Variants in PTPRD observed in about 807,000 individuals in gnomAD.
PTPRD encodes protein tyrosine phosphatase receptor type D.
A neutral mutation model predicts 214.5 loss-of-function variants in PTPRD; 34 were observed. That is an observed-to-expected ratio of 0.16 (90% CI 0.12 to 0.21). The LOEUF is 0.21. PTPRD is among the 10% of genes least tolerant of loss of function. The pLI is 1.00. For synonymous variants in PTPRD, 1,128 were observed against 845.7 expected, an observed-to-expected ratio of 1.33 and a Z score of -5.79; for missense variants, 2,545 against 2,398.7, an observed-to-expected ratio of 1.06 and a Z score of -1.27.
At chr9:9,121,342 G>T (rs1445773364) in intron 10 of PTPRD, among the ~76,000 whole-genome samples, 3 of 152,146 alleles carry the variant, frequency 2.0e-5, no homozygotes, top group Admixed American at 6.6e-5. Context: ...CAGAGGAAAA[G>T]AAGTTATTAT....
chr9:9,360,953 C>A (rs879451592), intron 9 of PTPRD, among the ~76,000 whole-genome samples: 1 of 150,946 alleles, frequency 6.6e-6, no homozygotes, highest in African/African-American at 2.4e-5. Flanking sequence ...TCTACTAAAA[C>A]GATGTAAAAA....
At chr9:10,099,179 G>C (rs112717058) in intron 3 of PTPRD, among the ~76,000 whole-genome samples, 198 of 151,830 alleles carry the variant, frequency 1.3e-3, no homozygotes, top group Middle Eastern at 3.4e-3. Context: ...GTCAGCATAA[G>C]TGTACTTATT....
At chr9:10,539,354 T>G (rs1470244440) in intron 2 of PTPRD, among the ~76,000 whole-genome samples, 1 of 152,124 alleles carries the variant, frequency 6.6e-6, no homozygotes, top group Non-Finnish European at 1.5e-5. Context: ...CGGGCTAATT[T>G]TTGTATTTTT....
chr9:8,845,182 A>AAAAAC (rs59559648), intron 11 of PTPRD, among the ~76,000 whole-genome samples: 1 of 124,254 alleles, frequency 8.0e-6, no homozygotes, highest in African/African-American at 2.6e-5. Flanking sequence ...AAAAACAAAA[A>AAAAAC]CAAAAAAAAA....
At chr9:9,148,892 G>T (rs575819183) in intron 10 of PTPRD, among the ~76,000 whole-genome samples, 1 of 152,124 alleles carries the variant, frequency 6.6e-6, no homozygotes, top group African/African-American at 2.4e-5. Context: ...ACAAAAGCTA[G>T]AACAAAATGG....
chr9:8,824,651 G>A (rs372507794), intron 11 of PTPRD, among the ~76,000 whole-genome samples: 14 of 152,274 alleles, frequency 9.2e-5, no homozygotes, highest in South Asian at 8.3e-4. Context: ...CTGGGCAACT[G>A]TTGGAACTAA....
chr9:10,065,188 A>AAAGAAAGAAAGAAAGAAAGAAAGAAAGG (rs1567445298), intron 3 of PTPRD, among the ~76,000 whole-genome samples: 1 of 151,374 alleles, frequency 6.6e-6, no homozygotes, highest in African/African-American at 2.4e-5. Flanking sequence ...AGAAAGAAAG[A>AAAGAAAGAAAGAAAGAAAGAAAGAAAGG]AAGAAAAGGA....
chr9:8,471,232 C>T lies in PTPRD; in HGVS notation c.3414-147G>A, dbSNP rs1160879005. The T allele has an allele frequency of 2.1e-5, 14 of 661,704 alleles. No homozygotes were observed. The East Asian group carries it at 3.0e-4, about 14-fold the overall frequency. The allele number at this position is 661,704 out of a possible 1,614,324, so 41.0% of individuals were successfully genotyped here. Reference sequence around the variant, plus strand: ...CATTTCTTACATCAATGACAAATATCCACCTGTTTGTTCAATTTTAAAAAC... The same window carrying T: ...CATTTCTTACATCAATGACAAATATTCACCTGTTTGTTCAATTTTAAAAAC... On this transcript the variant is annotated intron_variant, in intron 30 of 45. Coordinates refer to ENST00000381196, the MANE Select transcript of PTPRD (RefSeq NM_002839.4).
In PTPRD at chr9:10,575,161, C is replaced by A. The variant is rs1923442; in HGVS notation, c.-600+37237G>T. Among the ~76,000 whole-genome samples the A allele has an allele frequency of 1.3e-4, 19 of 151,890 alleles. 1 individual carries two copies. In the South Asian group the frequency reaches 3.9e-3, roughly 31 times the overall value. ...AATAATTTTCTTCCCAATTATTTGA[C>A]ACTGTAGACATCAACAAAAATAGGT... On this transcript the variant is annotated intron_variant, in intron 2 of 45. Coordinates refer to ENST00000381196, the MANE Select transcript of PTPRD (RefSeq NM_002839.4).
At chr9:10,146,554 A>T (rs955069227) in intron 3 of PTPRD, among the ~76,000 whole-genome samples, 4 of 152,164 alleles carry the variant, frequency 2.6e-5, no homozygotes, top group Non-Finnish European at 5.9e-5. Context: ...GGTAAGTTGT[A>T]TTAACATGTC....
intron 4 of PTPRD, among the ~76,000 whole-genome samples, chr9:9,949,679 G>GAAAC (rs201686287): frequency 6.6e-6 from 1 of 151,992 alleles, no homozygotes; most frequent in Non-Finnish European, 1.5e-5. Context: ...CTCTGGCAAA[G>GAAAC]AAACAAACAA....
chr9:9,209,981 T>C (rs1053996553), intron 9 of PTPRD, among the ~76,000 whole-genome samples: 1 of 152,154 alleles, frequency 6.6e-6, no homozygotes, highest in Non-Finnish European at 1.5e-5. Context: ...AGGGCCCAGA[T>C]AGATGATTAT....
chr9:9,595,881 A>T (rs532798165), intron 7 of PTPRD, among the ~76,000 whole-genome samples: 12 of 152,074 alleles, frequency 7.9e-5, no homozygotes, highest in Non-Finnish European at 1.5e-4. Context: ...AAATTTCACA[A>T]ATCAACTGCT....
chr9:10,275,964 G>A (rs1263162932), intron 3 of PTPRD, among the ~76,000 whole-genome samples: 2 of 152,134 alleles, frequency 1.3e-5, no homozygotes, highest in African/African-American at 4.8e-5. Context: ...TCCTCTTTCA[G>A]GCTACAGTGT....
intron 11 of PTPRD, among the ~76,000 whole-genome samples, chr9:8,824,404 T>A (rs192364151): frequency 4.6e-5 from 7 of 152,196 alleles, no homozygotes; most frequent in Admixed American, 4.6e-4. Flanking sequence ...ACTATGGGGG[T>A]CTCTTGCATT....
chr9:8,339,579 A>T (rs1447690112), intron 42 of PTPRD, among the ~76,000 whole-genome samples: 1 of 152,104 alleles, frequency 6.6e-6, no homozygotes, highest in Admixed American at 6.6e-5. Context: ...GTCATTGGCC[A>T]AATCAGAGTA....
chr9:10,356,651 T>C (rs2097283605), intron 2 of PTPRD, among the ~76,000 whole-genome samples: 1 of 152,168 alleles, frequency 6.6e-6, no homozygotes, highest in South Asian at 2.1e-4. Context: ...CCAAACATTA[T>C]GGCTCATGTA....
At chr9:9,512,157 C>G (rs1187470678) in intron 8 of PTPRD, among the ~76,000 whole-genome samples, 2 of 151,706 alleles carry the variant, frequency 1.3e-5, no homozygotes, top group Non-Finnish European at 3.0e-5. Flanking sequence ...CATGATCTCT[C>G]TTATTCAAAG....
At chr9:10,484,357 T>C (rs973848508) in intron 2 of PTPRD, among the ~76,000 whole-genome samples, 4 of 152,072 alleles carry the variant, frequency 2.6e-5, no homozygotes, top group African/African-American at 9.7e-5. Flanking sequence ...ACTATGTGGG[T>C]TATGAATACA....
Sources: allele counts gnomAD v4.1 joint callset (sites outside exome capture counted in the v4.1 genomes callset), GRCh38; gene constraint gnomAD v4.1.1; transcripts MANE v1.5; gene names NCBI Gene and HGNC (gene_info 2026-07-23, HGNC 2026-07-21).